The following MYO6 variants were observed in gnomAD, a reference collection of about 807,000 sequenced individuals.
The protein encoded by MYO6 is myosin VI.
A neutral mutation model predicts 178.7 loss-of-function variants in MYO6; 74 were observed. The observed-to-expected ratio is 0.41, with a 90% CI of 0.34 to 0.50. The LOEUF is 0.50. Ranked by LOEUF, MYO6 falls within the 20% of genes least tolerant of loss-of-function variation. The probability of loss-of-function intolerance (pLI) is 0.09; values close to 1 mark genes in which losing one functional copy is unlikely to be tolerated. For missense variants in MYO6, 1,330 were observed against 1,547.4 expected (o/e 0.86, Z 2.36); for synonymous variants, 477 against 504.6 (o/e 0.95, Z 0.73).
chr6:75,757,005 GTGTGTATATATGTATACACACAT>G (rs1777458204), intron 1 of MYO6, among the ~76,000 whole-genome samples: 1 of 40,668 alleles, frequency 2.5e-5, no homozygotes, highest in Non-Finnish European at 6.2e-5. Flanking sequence ...CACATATATA[GTGTGTATATATGTATACACACAT>G]ATATAGTGTG....
At chr6:75,752,296 A>G (rs554196032) in intron 1 of MYO6, among the ~76,000 whole-genome samples, 6 of 152,352 alleles carry the variant, frequency 3.9e-5, no homozygotes, top group Admixed American at 6.5e-5. Flanking sequence ...TATGATACCC[A>G]TAATGAGATA....
intron 4 of MYO6, among the ~76,000 whole-genome samples, chr6:75,829,129 A>G (rs914611460): frequency 2.6e-5 from 4 of 152,156 alleles, no homozygotes; most frequent in South Asian, 2.1e-4. Flanking sequence ...CATAGAGCCT[A>G]AATAGTTGCT....
chr6:75,794,536 C>CA (rs1320262605), intron 1 of MYO6, among the ~76,000 whole-genome samples: 1 of 151,970 alleles, frequency 6.6e-6, no homozygotes, highest in African/African-American at 2.4e-5. Flanking sequence ...ACCCAGAACT[C>CA]AATTATATGT....
rs901316007 is a variant in MYO6, at chr6:75,918,053, A to G, written c.*3041A>G. 6.6e-6 allele frequency: 1 copy of G among 152,292 alleles called. No homozygotes were observed. Among genetic ancestry groups the G allele is most frequent in the African/African-American group, 2.4e-5 (1 of 41,458 alleles). 9.4% of individuals were successfully genotyped at this position (152,292 alleles called of 1,614,324 possible). A position where few individuals can be genotyped will look rare whatever the true frequency, so the allele number is the denominator to read the frequency against. ...GTAATTTAGTTGTAGACTGAAAAATATATCAAAGCCTTTGCTGCAATCATA... is the reference window on the plus strand; with the variant it reads ...GTAATTTAGTTGTAGACTGAAAAATGTATCAAAGCCTTTGCTGCAATCATA... On this transcript the variant is annotated 3_prime_UTR_variant, in exon 35 of 35. Transcript: ENST00000369977.
At chr6:75,855,649 C>G (rs1453936541) in intron 12 of MYO6, among the ~76,000 whole-genome samples, 1 of 152,090 alleles carries the variant, frequency 6.6e-6, no homozygotes, top group African/African-American at 2.4e-5. Flanking sequence ...CAGCAAAATA[C>G]TTAGCAAATG....
intron 23 of MYO6, among the ~76,000 whole-genome samples, chr6:75,884,649 C>G (rs1476605716): frequency 1.3e-5 from 2 of 151,164 alleles, no homozygotes; most frequent in Non-Finnish European, 3.0e-5. Flanking sequence ...ACTCGGAGAT[C>G]TGAATTTTTA....
At chr6:75,782,313 C>T (rs1373060276) in intron 1 of MYO6, among the ~76,000 whole-genome samples, 1 of 151,998 alleles carries the variant, frequency 6.6e-6, no homozygotes, top group African/African-American at 2.4e-5. Context: ...GTTTCTTATA[C>T]CAAGATAAAT....
chr6:75,871,978 A>C (rs556820583), intron 19 of MYO6, among the ~76,000 whole-genome samples: 2 of 151,872 alleles, frequency 1.3e-5, no homozygotes, highest in South Asian at 4.2e-4. Flanking sequence ...AAAATACAAA[A>C]ATTAGCTGGG....
intron 34 of MYO6, 102 bp from the exon 35 acceptor site, chr6:75,914,711 G>A: frequency 9.6e-6 from 11 of 1,147,328 alleles, no homozygotes; most frequent in Admixed American, 5.9e-5. Context: ...GTCTTAGGAA[G>A]TTTTCAAATC....
rs1777857456 is a variant in MYO6 at position 75,879,649 on chromosome 6, G to A, written c.2078-171G>A. 2.6e-5 allele frequency among the ~76,000 whole-genome samples: 4 copies of A among 152,226 alleles called. No individual in the cohort carries two copies. In the South Asian group the frequency reaches 8.3e-4, roughly 32 times the overall value. ...TTGACTATAGTAGTTTTAGGTGGTG[G>A]ATAAGTTGGGACATAATGAGCATAA... On this transcript the variant is annotated intron_variant, in intron 20 of 34. Transcript: ENST00000369977.
intron 29 of MYO6, among the ~76,000 whole-genome samples, chr6:75,898,133 G>T (rs1779447858): frequency 1.3e-5 from 2 of 152,104 alleles, no homozygotes; most frequent in Admixed American, 1.3e-4. Flanking sequence ...TCTAAAAGTT[G>T]CTACTGCAAA....
intron 19 of MYO6, 92 bp from the exon 20 acceptor site, chr6:75,873,115 G>GT: frequency 1.0e-6 from 1 of 983,948 alleles, no homozygotes; most frequent in Non-Finnish European, 1.6e-6. Context: ...ATATGTTAAT[G>GT]TTAATATGCT....
At chr6:75,905,379 C>G (rs960641686) in intron 30 of MYO6, among the ~76,000 whole-genome samples, 1 of 152,220 alleles carries the variant, frequency 6.6e-6, no homozygotes, top group Non-Finnish European at 1.5e-5. Flanking sequence ...ACTCCGTGGG[C>G]GTAGGACCCT....
At chr6:75,759,726 G>T (rs1183205264) in intron 1 of MYO6, among the ~76,000 whole-genome samples, 1 of 152,142 alleles carries the variant, frequency 6.6e-6, no homozygotes, top group East Asian at 1.9e-4. Context: ...AAAACTTGTA[G>T]CATTGTGATA....
intron 22 of MYO6, among the ~76,000 whole-genome samples, chr6:75,881,409 TA>T (rs1261452604): frequency 6.7e-6 from 1 of 148,764 alleles, no homozygotes; most frequent in Non-Finnish European, 1.5e-5. Flanking sequence ...TAGCCATCTG[TA>T]ATTTAAAAGT....
intron 25 of MYO6, 77 bp downstream of exon 25, chr6:75,887,071 A>G (rs1778493865): frequency 1.4e-6 from 2 of 1,409,282 alleles, no homozygotes; most frequent in Non-Finnish European, 2.0e-6. Flanking sequence ...GAAATTGTAT[A>G]GAAAACGTCC....
At chr6:75,787,438 A>G (rs1767681620) in intron 1 of MYO6, among the ~76,000 whole-genome samples, 1 of 152,078 alleles carries the variant, frequency 6.6e-6, no homozygotes, top group Non-Finnish European at 1.5e-5. Flanking sequence ...CCACAACAAC[A>G]TGCATGAATC....
rs533697070 is a variant in MYO6 at position 75,858,206 on chromosome 6, A to G, written c.1382-696A>G. ...TTAGAAATGAATTGGTATCCACAGC[A>G]TTTTTGATAAGTAATTTTACAGATT... On this transcript the variant is annotated intron_variant, in intron 13 of 34. Coordinates refer to ENST00000369977, the MANE Select transcript of MYO6 (RefSeq NM_004999.4). Among the ~76,000 whole-genome samples, 8 of 152,306 alleles carry G rather than the reference A, an allele frequency of 5.3e-5. No homozygotes were observed. In the South Asian group the frequency reaches 1.7e-3, roughly 32 times the overall value.
At chr6:75,826,716 T>A (rs2150199332) in intron 3 of MYO6, among the ~76,000 whole-genome samples, 1 of 152,238 alleles carries the variant, frequency 6.6e-6, no homozygotes, top group African/African-American at 2.4e-5. Context: ...CCTTCCTTAA[T>A]TCAAAGGAAA....
Sources: gnomAD v4.1 joint callset for allele counts (sites outside exome capture counted in the v4.1 genomes callset) on GRCh38, gnomAD v4.1.1 for gene constraint, MANE v1.5 for transcripts, NCBI Gene and HGNC (gene_info 2026-07-23, HGNC 2026-07-21) for gene names.